The following DCHS2 variants were observed in gnomAD, a reference collection of about 807,000 sequenced individuals.
DCHS2 encodes the protein dachsous cadherin-related 2.
In DCHS2, 142 loss-of-function variants were observed where a neutral mutation model predicts 182.4. The ratio of observed to expected loss-of-function variants is 0.78; its 90% CI spans 0.68 to 0.89. The LOEUF (loss-of-function observed/expected upper bound fraction) is 0.89. Ranked by LOEUF, DCHS2 falls within the 40% of genes least tolerant of loss-of-function variation. The probability of loss-of-function intolerance (pLI) is 0.00; values close to 1 mark genes in which losing one functional copy is unlikely to be tolerated. For missense variants in DCHS2, 4,319 were observed against 4,198.6 expected (o/e 1.03, Z -0.79); for synonymous variants, 1,740 against 1,663.3 (o/e 1.05, Z -1.12).
chr4:154,486,523 G>A, intron 1 of DCHS2: 2 of 1,304,200 alleles, frequency 1.5e-6, no homozygotes, highest in Non-Finnish European at 2.0e-6. Context: ...GATATAAGCT[G>A]TAAAAGAGGA....
chr4:154,269,796 C>A, intron 14 of DCHS2, 104 bp downstream of exon 14: 1 of 1,385,694 alleles, frequency 7.2e-7, no homozygotes, highest in Non-Finnish European at 9.7e-7. Context: ...TTCTTGCTTA[C>A]CTTTTAAATT....
chr4:154,462,368 T>G (rs1158456854), intron 1 of DCHS2, among the ~76,000 whole-genome samples: 1 of 152,224 alleles, frequency 6.6e-6, no homozygotes, highest in Non-Finnish European at 1.5e-5. Context: ...TGTTTGCATA[T>G]TGTTTTACAA....
intron 3 of DCHS2, among the ~76,000 whole-genome samples, chr4:154,365,239 CA>C (rs371331489): frequency 6.7e-5 from 10 of 149,962 alleles, no homozygotes; most frequent in African/African-American, 2.2e-4. Context: ...AGACCTAGTA[CA>C]AAAAAAAAGG....
intron 12 of DCHS2, among the ~76,000 whole-genome samples, chr4:154,303,332 G>C (rs778218028): frequency 3.7e-4 from 56 of 152,002 alleles, no homozygotes; most frequent in Non-Finnish European, 7.8e-4. Context: ...ACTTTTAAAA[G>C]GTGATTGATA....
chr4:154,488,485 A>G (rs1340634728), intron 1 of DCHS2, among the ~76,000 whole-genome samples: 1 of 152,188 alleles, frequency 6.6e-6, no homozygotes, highest in Non-Finnish European at 1.5e-5. Context: ...AACATGTAAG[A>G]AGTCTCTGGA....
chr4:154,321,249 A>G, intron 8 of DCHS2, 27 bp from the exon 9 acceptor site: 2 of 1,452,320 alleles, frequency 1.4e-6, no homozygotes, highest in Non-Finnish European at 1.8e-6. Flanking sequence ...AGAGATATTA[A>G]TTTGGGGTAT....
chr4:154,306,777 G>A (rs760865857), intron 10 of DCHS2, among the ~76,000 whole-genome samples: 7 of 151,782 alleles, frequency 4.6e-5, no homozygotes, highest in Non-Finnish European at 8.8e-5. Context: ...ACATATTATA[G>A]AATGCTATAT....
chr4:154,262,877 C>A (rs1000359106), intron 14 of DCHS2, among the ~76,000 whole-genome samples: 2 of 152,120 alleles, frequency 1.3e-5, no homozygotes, highest in Non-Finnish European at 2.9e-5. Context: ...CATACAAAAC[C>A]TTAGTCAAGC....
At chr4:154,414,392 C>G (rs1301586576) in intron 1 of DCHS2, among the ~76,000 whole-genome samples, 1 of 151,736 alleles carries the variant, frequency 6.6e-6, no homozygotes, top group Non-Finnish European at 1.5e-5. Flanking sequence ...AAATTATCCT[C>G]CTAGGTTGAG....
rs79535970 is a variant in DCHS2, at chr4:154,320,583, C to T, written c.4816G>A (p.Ala1606Thr). The T allele has an allele frequency of 0.05, 81,269 of 1,614,082 alleles. 2,331 individuals are homozygous for T. The highest frequency in any genetic ancestry group is 0.06 in the Non-Finnish European group (70,646 of 1,180,004). The change falls in exon 9 of 20, where the codon GCA becomes ACA. Residue 1606 changes from alanine (A) to threonine (T), a missense_variant. By Grantham distance (58) the Ala-to-Thr change is moderately conservative. Transcript: ENST00000357232. ...VTDRRLRSLTAQIVILDVNDH... is the reference protein window; with the variant it reads ...VTDRRLRSLTTQIVILDVNDH... ...TTTACATCCAAAATCACTATTTGTG[C>T]TGTCAGTGATCTCAGTCGCCGGTCT...
intron 1 of DCHS2, among the ~76,000 whole-genome samples, chr4:154,454,272 ATC>A (rs1263329811): frequency 6.6e-6 from 1 of 152,104 alleles, no homozygotes; most frequent in Non-Finnish European, 1.5e-5. Flanking sequence ...GAGATGGTGT[ATC>A]TCTCTATCAC....
chr4:154,400,064 G>A (rs1333563046), intron 1 of DCHS2, among the ~76,000 whole-genome samples: 2 of 152,130 alleles, frequency 1.3e-5, no homozygotes, highest in Non-Finnish European at 2.9e-5. Flanking sequence ...AGCACTTTGG[G>A]AGGCCGAGGC....
rs1334733493 is a variant in DCHS2, at chr4:154,331,540, C to G, written c.3730+938G>C. 4 of 1,563,304 alleles carry G rather than the reference C, an allele frequency of 2.6e-6. No homozygotes were observed. In the South Asian group the frequency reaches 4.7e-5, roughly 18 times the overall value. On this transcript the variant is annotated intron_variant, in intron 5 of 19. Coordinates refer to ENST00000357232, the MANE Select transcript of DCHS2 (RefSeq NM_001358235.2). ...GGCAGCTTGCAACCTTCTTGGCAAG[C>G]CATGTGCCCTGTGAAAACCCTCCAT...
intron 12 of DCHS2, 154 bp from the exon 13 acceptor site, chr4:154,298,862 CAGTA>C: frequency 2.6e-6 from 3 of 1,155,606 alleles, no homozygotes; most frequent in Non-Finnish European, 3.4e-6. Context: ...GGGGATATAA[CAGTA>C]AGCATGATAA....
In DCHS2 at chr4:154,233,638, A is replaced by AAAT. The variant is rs1214615048; in HGVS notation, c.*895_*897dup. On this transcript the variant is annotated 3_prime_UTR_variant, in exon 20 of 20. Coordinates refer to ENST00000357232, the MANE Select transcript of DCHS2 (RefSeq NM_001358235.2). ...CAAAAAAGTTACTGTATCTAGAAGA[A>AAAT]AATAAAATGAAGACATTGCTATAAA... The AAAT allele has an allele frequency of 6.6e-6, 1 of 152,222 alleles. No individual in the cohort carries two copies. Among genetic ancestry groups the AAAT allele is most frequent in the Non-Finnish European group, 1.5e-5 (1 of 68,032 alleles). The allele number at this position is 152,222 out of a possible 1,614,324, so 9.4% of individuals were successfully genotyped here. A position where few individuals can be genotyped will look rare whatever the true frequency, so the allele number is the denominator to read the frequency against.
At chr4:154,456,800 G>A (rs959240164) in intron 1 of DCHS2, among the ~76,000 whole-genome samples, 1 of 152,082 alleles carries the variant, frequency 6.6e-6, no homozygotes, top group Non-Finnish European at 1.5e-5. Flanking sequence ...TCTATTTTGG[G>A]TTTGCAGAGG....
intron 1 of DCHS2, among the ~76,000 whole-genome samples, chr4:154,441,865 A>G (rs1734028986): frequency 6.6e-6 from 1 of 152,156 alleles, no homozygotes; most frequent in Non-Finnish European, 1.5e-5. Flanking sequence ...GAGGAGGGAA[A>G]AAGACATAAA....
chr4:154,376,053 G>A (rs1276425130), intron 2 of DCHS2, among the ~76,000 whole-genome samples: 1 of 152,024 alleles, frequency 6.6e-6, no homozygotes, highest in Non-Finnish European at 1.5e-5. Context: ...AGTCAACAGT[G>A]GTTTCTAAAA....
chr4:154,490,367 A>C lies in DCHS2; in HGVS notation c.989T>G (p.Phe330Cys), dbSNP rs1290724154. The change falls in exon 1 of 20, where the codon TTC becomes TGC. Residue 330 changes from phenylalanine (F) to cysteine (C), a missense_variant. Transcript: ENST00000357232. Reference sequence around the variant, plus strand: ...CCGGGCGCGGACGCTGTAGCGCACGAAGCCATTGGGCCCCAGGTCGCGGTC... The same window carrying C: ...CCGGGCGCGGACGCTGTAGCGCACGCAGCCATTGGGCCCCAGGTCGCGGTC... Reference protein sequence around the residue: ...ATDRDLGPNGFVRYSVRARQV... With the variant: ...ATDRDLGPNGCVRYSVRARQV... 1 of 1,537,040 alleles carries C rather than the reference A, an allele frequency of 6.5e-7. No individual in the cohort carries two copies. The highest frequency in any genetic ancestry group is 8.7e-7 in the Non-Finnish European group (1 of 1,145,272).
Sources: allele counts gnomAD v4.1 joint callset (sites outside exome capture counted in the v4.1 genomes callset), GRCh38; gene constraint gnomAD v4.1.1; transcripts MANE v1.5; gene names NCBI Gene and HGNC (gene_info 2026-07-23, HGNC 2026-07-21).